The following BCL11B variants were observed in gnomAD, a reference collection of about 807,000 sequenced individuals.
BCL11B encodes the protein BCL11 transcription factor B.
BCL11B carries 8 observed loss-of-function variants against 49.9 expected under a neutral mutation model. That is an observed-to-expected ratio of 0.16 (90% CI 0.09 to 0.29). BCL11B has a LOEUF of 0.29. Among genes scored for constraint, BCL11B ranks in the 10% least tolerant of loss-of-function variants. The pLI, the probability that BCL11B is intolerant of heterozygous loss-of-function variation, is 1.00. For missense variants in BCL11B, 1,006 were observed against 1,351.0 expected (o/e 0.74, Z 4.00); for synonymous variants, 739 against 637.4 (o/e 1.16, Z -2.40).
chr14:99,230,845 T>C (rs1888309412), intron 3 of BCL11B, among the ~76,000 whole-genome samples: 1 of 152,154 alleles, frequency 6.6e-6, no homozygotes, highest in South Asian at 2.1e-4. Context: ...GAGGCTCCTT[T>C]TGAGCCACTT....
At chr14:99,265,112 C>CGCA (rs1889444493) in intron 1 of BCL11B, among the ~76,000 whole-genome samples, 2 of 152,184 alleles carry the variant, frequency 1.3e-5, no homozygotes, top group East Asian at 3.9e-4. Flanking sequence ...AAAAGAGTGC[C>CGCA]GCAAAGTGAC....
chr14:99,256,035 C>A (rs1028003170), intron 2 of BCL11B, among the ~76,000 whole-genome samples: 1 of 152,266 alleles, frequency 6.6e-6, no homozygotes, highest in Non-Finnish European at 1.5e-5. Context: ...GCTCACTAAG[C>A]CCCTTGTGCA....
chr14:99,210,910 G>A (rs928318790), intron 3 of BCL11B, among the ~76,000 whole-genome samples: 2 of 151,936 alleles, frequency 1.3e-5, no homozygotes, highest in Non-Finnish European at 2.9e-5. Flanking sequence ...CTCTACCAAC[G>A]ATGACAATGA....
At chr14:99,193,823 T>C (rs1887105790) in intron 3 of BCL11B, among the ~76,000 whole-genome samples, 2 of 152,152 alleles carry the variant, frequency 1.3e-5, no homozygotes, top group South Asian at 4.1e-4. Flanking sequence ...CTGGCCAAAT[T>C]TCAGAAGGGA....
At chr14:99,202,089 T>C (rs1389990807) in intron 3 of BCL11B, among the ~76,000 whole-genome samples, 4 of 152,024 alleles carry the variant, frequency 2.6e-5, no homozygotes, top group African/African-American at 9.7e-5. Flanking sequence ...CAAGCAATTC[T>C]CCCCACCTCA....
At chr14:99,237,085 G>C (rs778523836) in intron 2 of BCL11B, among the ~76,000 whole-genome samples, 3 of 151,506 alleles carry the variant, frequency 2.0e-5, no homozygotes, top group Non-Finnish European at 4.4e-5. Context: ...TGTAGAGGGG[G>C]AGTGGCTGAG....
chr14:99,178,261 A>G (rs1014250728), intron 3 of BCL11B, among the ~76,000 whole-genome samples: 3 of 152,196 alleles, frequency 2.0e-5, no homozygotes, highest in Non-Finnish European at 2.9e-5. Context: ...AGAAATGAAA[A>G]AGGAATTCTG....
chr14:99,175,117 C>T lies in BCL11B; in HGVS notation c.1719G>A (p.Val573=), dbSNP rs749980345. 2.8e-5 allele frequency: 45 copies of T among 1,589,450 alleles called. No individual in the cohort carries two copies. The highest frequency in any genetic ancestry group is 1.7e-4 in the Middle Eastern group (1 of 6,032). The part of the protein sequence containing the change: ...SRNRENGGGG[V]PGVPGAGGGA... Reference sequence around the variant, plus strand: ...CGCCCCCCGCGCCCGGGACCCCGGGCACCCCACCACCGCCGTTCTCGCGGT... The same window carrying T: ...CGCCCCCCGCGCCCGGGACCCCGGGTACCCCACCACCGCCGTTCTCGCGGT... The change falls in exon 4 of 4, where the codon GTG becomes GTA. Residue 573 remains valine (V), a synonymous_variant. Transcript: ENST00000357195.
Position 99,174,034 on chromosome 14 carries a change from G to C in BCL11B, c.*117C>G. Reference sequence around the variant, plus strand: ...GTTAGGTTGGAGTGCCGCCTCCCCTGGGCCCCGGGGACACGCGGGGTGCGG... The same window carrying C: ...GTTAGGTTGGAGTGCCGCCTCCCCTCGGCCCCGGGGACACGCGGGGTGCGG... On this transcript the variant is annotated 3_prime_UTR_variant, in exon 4 of 4. Coordinates refer to ENST00000357195, the MANE Select transcript of BCL11B (RefSeq NM_138576.4). 2 of 1,071,870 alleles carry C rather than the reference G, an allele frequency of 1.9e-6. No individual in the cohort carries two copies. The highest frequency in any genetic ancestry group is 1.5e-5 in the South Asian group (1 of 66,054). The allele number at this position is 1,071,870 out of a possible 1,614,324, so 66.4% of individuals were successfully genotyped here. A position where few individuals can be genotyped will look rare whatever the true frequency, so the allele number is the denominator to read the frequency against.
At chr14:99,206,043 A>G (rs941865924) in intron 3 of BCL11B, among the ~76,000 whole-genome samples, 1 of 152,258 alleles carries the variant, frequency 6.6e-6, no homozygotes, top group Middle Eastern at 3.4e-3. Context: ...GGTTCATCCA[A>G]TGGAGGCCAG....
chr14:99,179,520 G>A (rs1461323654), intron 3 of BCL11B, among the ~76,000 whole-genome samples: 1 of 143,678 alleles, frequency 7.0e-6, no homozygotes, highest in Non-Finnish European at 1.5e-5. Context: ...CTAACTTGGA[G>A]CAACATAGGG....
At position 99,175,204 on chromosome 14, in the gene BCL11B, C is replaced by G. The variant is rs1156270059; in HGVS notation, c.1632G>C (p.Leu544=). The change falls in exon 4 of 4, where the codon CTG becomes CTC. Residue 544 remains leucine, a synonymous_variant. Transcript: ENST00000357195. ...CGGGCCGGCTCTCGTTCTCCAGTAGCAGCTCCTCCTCCTCCTCCTCCTCCT... is the reference window on the plus strand; with the variant it reads ...CGGGCCGGCTCTCGTTCTCCAGTAGGAGCTCCTCCTCCTCCTCCTCCTCCT... The part of the protein sequence containing the change: ...DEEEEEEEEE[L]LLENESRPES... The G allele has an allele frequency of 3.2e-6, 5 of 1,562,276 alleles. No homozygotes were observed. The highest frequency in any genetic ancestry group is 1.4e-5 in the African/African-American group (1 of 73,778).
At chr14:99,251,987 T>G (rs1429369105) in intron 2 of BCL11B, among the ~76,000 whole-genome samples, 5 of 152,162 alleles carry the variant, frequency 3.3e-5, no homozygotes, top group Non-Finnish European at 7.3e-5. Context: ...GAAATATATA[T>G]TTCAAGGTTG....
chr14:99,270,122 G>C (rs1319668655), intron 1 of BCL11B, among the ~76,000 whole-genome samples: 2 of 151,888 alleles, frequency 1.3e-5, no homozygotes, highest in African/African-American at 2.4e-5. Flanking sequence ...AACCCAACAG[G>C]GACGGTGGAA....
At chr14:99,191,750 C>T (rs1329677190) in intron 3 of BCL11B, among the ~76,000 whole-genome samples, 1 of 152,140 alleles carries the variant, frequency 6.6e-6, no homozygotes, top group Admixed American at 6.5e-5. Flanking sequence ...GAGTGACTTC[C>T]CTCCAGAGCT....
At position 99,243,433 on chromosome 14, in the gene BCL11B, C is replaced by T. The variant is rs897365712; in HGVS notation, c.428-11876G>A. Among the ~76,000 whole-genome samples, 4 of 152,294 alleles carry T rather than the reference C, an allele frequency of 2.6e-5. No individual in the cohort carries two copies. The South Asian group carries it at 8.3e-4, about 32-fold the overall frequency. ...CCCCACGGACTGAACAATAACAGTTCTCCATTTTTATGATGTCTTTGAAAT... is the reference window on the plus strand; with the variant it reads ...CCCCACGGACTGAACAATAACAGTTTTCCATTTTTATGATGTCTTTGAAAT... On this transcript the variant is annotated intron_variant, in intron 2 of 3. Transcript: ENST00000357195.
chr14:99,179,754 G>C (rs1197631753), intron 3 of BCL11B, among the ~76,000 whole-genome samples: 2 of 152,068 alleles, frequency 1.3e-5, no homozygotes, highest in South Asian at 2.1e-4. Context: ...AAATCACCCA[G>C]CCCTCAGAGG....
chr14:99,230,264 A>C (rs1453784546), intron 3 of BCL11B, among the ~76,000 whole-genome samples: 1 of 152,208 alleles, frequency 6.6e-6, no homozygotes, highest in African/African-American at 2.4e-5. Context: ...GGACAGCTTC[A>C]ATTAAAAACA....
At chr14:99,258,129 C>T (rs1289557735) in intron 1 of BCL11B, among the ~76,000 whole-genome samples, 4 of 152,214 alleles carry the variant, frequency 2.6e-5, no homozygotes, top group African/African-American at 4.8e-5. Context: ...TTCTCCCCAA[C>T]GTAGTATAAG....
Sources: allele counts gnomAD v4.1 joint callset (sites outside exome capture counted in the v4.1 genomes callset), GRCh38; gene constraint gnomAD v4.1.1; transcripts MANE v1.5; gene names NCBI Gene and HGNC (gene_info 2026-07-23, HGNC 2026-07-21).